Variants in ZZEF1 observed in about 807,000 individuals in gnomAD.
ZZEF1 encodes the protein zinc finger ZZ-type and EF-hand domain-containing protein 1.
In ZZEF1, 157 loss-of-function variants were observed where a neutral mutation model predicts 342.8. That is an observed-to-expected ratio of 0.46 (90% CI 0.40 to 0.52). The LOEUF (loss-of-function observed/expected upper bound fraction) is 0.52, where lower values mean the gene tolerates loss of function less well. Ranked by LOEUF, ZZEF1 falls within the 20% of genes least tolerant of loss-of-function variation. The pLI, the probability that ZZEF1 is intolerant of heterozygous loss-of-function variation, is 0.00. For missense variants in ZZEF1, 3,480 were observed against 3,725.6 expected, an observed-to-expected ratio of 0.93 and a Z score of 1.72; for synonymous variants, 1,505 against 1,429.1, an observed-to-expected ratio of 1.05 and a Z score of -1.20.
intron 9 of ZZEF1, among the ~76,000 whole-genome samples, chr17:4,098,686 T>C (rs12950310): frequency 0.17 from 25,361 of 152,112 alleles, 2,169 homozygotes; most frequent in East Asian, 0.18. Context: ...CTAAAACCAA[T>C]TTCATGCTTC....
chr17:4,140,628 T>C (rs1290686642), intron 1 of ZZEF1, among the ~76,000 whole-genome samples: 1 of 152,162 alleles, frequency 6.6e-6, no homozygotes, highest in Non-Finnish European at 1.5e-5. Flanking sequence ...AACCCCTGAG[T>C]GATTTCTGGA....
intron 31 of ZZEF1, among the ~76,000 whole-genome samples, chr17:4,058,388 G>T (rs1365434576): frequency 6.6e-6 from 1 of 152,120 alleles, no homozygotes; most frequent in East Asian, 1.9e-4. Context: ...CCACCACAGG[G>T]GTATCTTATG....
chr17:4,061,821 T>C (rs1322110212), intron 30 of ZZEF1, among the ~76,000 whole-genome samples: 3 of 152,276 alleles, frequency 2.0e-5, no homozygotes, highest in Middle Eastern at 6.8e-3. Flanking sequence ...TCCAGTATTA[T>C]TCTCTGGATC....
In ZZEF1 at chr17:4,019,682, C is replaced by G. The variant is rs149719856; in HGVS notation, c.7492G>C (p.Glu2498Gln). ...QMKKTDYFFL[E>Q]VQKRFDGDEL... ...AATGTCCCTTACCTCTTCTGAACCT[C>G]CAGGAAGAAATAATCGGTCTTTTTC... Residue 2498 changes from glutamate to glutamine, a missense_variant, in exon 46 of 55, where the codon GAG (glutamate) becomes CAG (glutamine). Around this residue, in one of 5 missense-constraint regions of ZZEF1, gnomAD observed 1,269 missense variants for 1,342.4 expected, o/e 0.95. Coordinates refer to ENST00000381638, the MANE Select transcript of ZZEF1 (RefSeq NM_015113.4). 9.1e-5 allele frequency: 146 copies of G among 1,612,806 alleles called. 1 individual carries two copies. In the African/African-American group the frequency reaches 1.4e-3, roughly 16 times the overall value.
At chr17:4,043,469 G>C (rs2056845847) in intron 38 of ZZEF1, among the ~76,000 whole-genome samples, 1 of 152,192 alleles carries the variant, frequency 6.6e-6, no homozygotes, top group Non-Finnish European at 1.5e-5. Flanking sequence ...CGCCATCACA[G>C]AGCAGGAAGG....
At position 4,099,339 on chromosome 17, in the gene ZZEF1, C is replaced by T. The variant is rs935158261; in HGVS notation, c.1673-2639G>A. The stretch of plus-strand genomic sequence containing the variant: ...TCCTGGGCTCAAACAATCCTCCTGC[C>T]TCAGCCTAAGTAGGCCCACAGGCAA... On this transcript the variant is annotated intron_variant, in intron 9 of 54. Coordinates refer to ENST00000381638, the MANE Select transcript of ZZEF1 (RefSeq NM_015113.4). Among the ~76,000 whole-genome samples, 3 of 152,270 alleles carry T rather than the reference C, an allele frequency of 2.0e-5. 1 individual carries two copies. The East Asian group carries it at 5.8e-4, about 29-fold the overall frequency.
intron 1 of ZZEF1, among the ~76,000 whole-genome samples, chr17:4,126,756 A>C (rs1318573689): frequency 6.6e-6 from 1 of 152,202 alleles, no homozygotes; most frequent in Non-Finnish European, 1.5e-5. Context: ...ACTTCAGGCC[A>C]GGAGTTCAAG....
intron 40 of ZZEF1, 180 bp downstream of exon 40, chr17:4,033,835 G>C: frequency 1.3e-6 from 1 of 764,664 alleles, no homozygotes. Context: ...TTGGTGTTAA[G>C]CACAGTTTTA....
At chr17:4,067,286 A>G in intron 26 of ZZEF1, 44 bp from the exon 27 acceptor site, 2 of 1,503,132 alleles carry the variant, frequency 1.3e-6, no homozygotes, top group Non-Finnish European at 1.8e-6. Context: ...AGGTAACACA[A>G]TTCACTACTG....
intron 24 of ZZEF1, 36 bp downstream of exon 24, chr17:4,074,114 G>C (rs1198248513): frequency 1.9e-6 from 3 of 1,607,620 alleles, no homozygotes; most frequent in Admixed American, 3.3e-5. Flanking sequence ...CTTCACCGTG[G>C]TTGTAAGAAG....
In ZZEF1 at chr17:4,076,709, G is replaced by C. The variant is rs2057628728; in HGVS notation, c.3162C>G (p.Leu1054=). The C allele has an allele frequency of 6.2e-7, 1 of 1,613,348 alleles. No homozygotes were observed. The highest frequency in any genetic ancestry group is 8.5e-7 in the Non-Finnish European group (1 of 1,179,308). ...CTGTGAGGACGCTGAACTCTCTCAA[G>C]AGCACGCAGTGTGGGATGTCTAAAG... ...FCTLDIPHCV[L]LREFSVLTEL... The change falls in exon 21 of 55, where the codon CTC becomes CTG. Residue 1054 remains leucine, a synonymous_variant. Coordinates refer to ENST00000381638, the MANE Select transcript of ZZEF1 (RefSeq NM_015113.4).
At chr17:4,053,935 G>C in intron 34 of ZZEF1, 122 bp downstream of exon 34, 4 of 1,151,662 alleles carry the variant, frequency 3.5e-6, no homozygotes, top group South Asian at 1.8e-5. Flanking sequence ...CAAGAAGTCA[G>C]AGAAAATACC....
chr17:4,027,503 C>T (rs1387335996), intron 42 of ZZEF1, among the ~76,000 whole-genome samples: 1 of 151,134 alleles, frequency 6.6e-6, no homozygotes, highest in Non-Finnish European at 1.5e-5. Flanking sequence ...CCATGTTGGC[C>T]AGGCTAGTCT....
Position 4,017,534 on chromosome 17 carries a change from G to A in ZZEF1, c.7838C>T (p.Ala2613Val). 6.2e-7 allele frequency: 1 copy of A among 1,614,262 alleles called. No homozygotes were observed. The highest frequency in any genetic ancestry group is 8.5e-7 in the Non-Finnish European group (1 of 1,180,038). ...GTGGCGGGCGTACAGGACAGCTGTG[G>A]CCTCGTTCACTCGGAAGAGGTAGTC... ...VRDYLFRVNE[A>V]TAVLYARHVL... is the part of the protein sequence containing the mutation. The change falls in exon 48 of 55, where the codon GCC (alanine) becomes GTC (valine). Residue 2613 changes from alanine to valine, a missense_variant. Physicochemically the swap from Ala to Val is moderately conservative, Grantham distance 64. Coordinates refer to ENST00000381638, the MANE Select transcript of ZZEF1 (RefSeq NM_015113.4). This position sits in a 1 kb window ranked among gnomAD's most constrained non-coding sequence, Gnocchi z 5.1.
At chr17:4,130,053 C>T (rs2058639206) in intron 1 of ZZEF1, among the ~76,000 whole-genome samples, 1 of 152,120 alleles carries the variant, frequency 6.6e-6, no homozygotes, top group Non-Finnish European at 1.5e-5. Context: ...GAAAAAATAA[C>T]TATTGGGTGC....
intron 39 of ZZEF1, among the ~76,000 whole-genome samples, chr17:4,036,663 G>A (rs1344372044): frequency 1.3e-5 from 2 of 151,256 alleles, no homozygotes; most frequent in Admixed American, 6.6e-5. Flanking sequence ...ACCGGGAGGC[G>A]GAGGTTGCAG....
rs117668788 is a variant in ZZEF1, at chr17:4,014,952, G to A, written c.8146-437C>T. 7.7e-3 allele frequency among the ~76,000 whole-genome samples: 1,168 copies of A among 152,280 alleles called. 7 individuals are homozygous for A. Among genetic ancestry groups the A allele is most frequent in the Non-Finnish European group, 0.012 (826 of 68,006 alleles). On this transcript the variant is annotated intron_variant, in intron 49 of 54. Transcript: ENST00000381638. This position sits in a 1 kb window ranked among gnomAD's most constrained non-coding sequence, Gnocchi z 4.4. ...ATGGGCACGTATGCTTGGGAAGCAGGAACAGGGACAAGACCTGACTCCAGA... is the reference window on the plus strand; with the variant it reads ...ATGGGCACGTATGCTTGGGAAGCAGAAACAGGGACAAGACCTGACTCCAGA...
intron 30 of ZZEF1, among the ~76,000 whole-genome samples, chr17:4,060,608 C>T (rs549354685): frequency 2.0e-5 from 3 of 148,166 alleles, no homozygotes; most frequent in South Asian, 2.1e-4. Context: ...AAACACTCAA[C>T]CCCCCACCCC....
At chr17:4,013,739 A>AT in intron 51 of ZZEF1, 125 bp from the exon 52 acceptor site, 1 of 1,089,182 alleles carries the variant, frequency 9.2e-7, no homozygotes, top group Non-Finnish European at 1.3e-6. Context: ...TCAAATTTTA[A>AT]TAACTGTGAT....
Sources: allele counts gnomAD v4.1 joint callset (sites outside exome capture counted in the v4.1 genomes callset), GRCh38; gene constraint gnomAD v4.1.1; regional missense constraint gnomAD v4.1.1; non-coding constraint Gnocchi (gnomAD v3.1); transcripts MANE v1.5; gene names NCBI Gene and HGNC (gene_info 2026-07-23, HGNC 2026-07-21).